The following SNRPN variants were observed in gnomAD, a reference collection of about 807,000 sequenced individuals.
SNRPN encodes small nuclear ribonucleoprotein polypeptide N.
SNRPN carries 7 observed loss-of-function variants against 25.2 expected under a neutral mutation model. The observed-to-expected ratio is 0.28, with a 90% CI of 0.16 to 0.52. The LOEUF (loss-of-function observed/expected upper bound fraction) is 0.52, where lower values mean the gene tolerates loss of function less well. SNRPN is among the 20% of genes least tolerant of loss of function. The probability of loss-of-function intolerance (pLI) is 0.96; values close to 1 mark genes in which losing one functional copy is unlikely to be tolerated. For missense variants in SNRPN, 196 were observed against 322.5 expected, an observed-to-expected ratio of 0.61 and a Z score of 3.00; for synonymous variants, 124 against 110.6, an observed-to-expected ratio of 1.12 and a Z score of -0.76.
At position 24,977,956 on chromosome 15, in the gene SNRPN, G is replaced by C. The variant is rs2077253176; in HGVS notation, c.559+40G>C. On this transcript the variant is annotated intron_variant, in intron 8 of 9. Transcript: ENST00000390687. ...AACACGAAGACGAACTTGAATCTCT[G>C]ATGAGAGATAGCTTACTGATTTAAG... 5 of 1,507,936 alleles carry C rather than the reference G, an allele frequency of 3.3e-6. No homozygotes were observed. In the East Asian group the frequency reaches 9.2e-5, roughly 28 times the overall value. The allele number at this position is 1,507,936 out of a possible 1,614,324, so 93.4% of individuals were successfully genotyped here. A position where few individuals can be genotyped will look rare whatever the true frequency, so the allele number is the denominator to read the frequency against.
chr15:24,837,403 TGTAG>T (rs2051288074), intron 2 of SNRPN, among the ~76,000 whole-genome samples: 10 of 151,406 alleles, frequency 6.6e-5, no homozygotes, highest in East Asian at 1.9e-4. Context: ...AGTCTCACTG[TGTAG>T]CCCAGGCTGG....
At position 24,864,414 on chromosome 15, in the gene SNRPN, G is replaced by A. The variant is rs565659914; in HGVS notation, c.-579+7698G>A. On this transcript the variant is annotated intron_variant, in intron 1 of 11. Coordinates refer to the SNRPN transcript ENST00000400097. ...GCTAGAATACAATGGCGCAATCTCGGCTCGCTGCAACCTCTGCCTCCCGGG... is the reference window on the plus strand; with the variant it reads ...GCTAGAATACAATGGCGCAATCTCGACTCGCTGCAACCTCTGCCTCCCGGG... 5.0e-4 allele frequency among the ~76,000 whole-genome samples: 73 copies of A among 145,326 alleles called. 2 individuals carry two copies. The South Asian group carries it at 0.015, about 29-fold the overall frequency.
intron 1 of SNRPN, among the ~76,000 whole-genome samples, chr15:24,878,420 G>C (rs12906608): frequency 0.049 from 7,459 of 152,330 alleles, 194 homozygotes; most frequent in Non-Finnish European, 0.059. Context: ...CCGATCTTCG[G>C]CGCGCCTGCA....
At chr15:24,916,536 T>C (rs1225021474) in intron 2 of SNRPN, among the ~76,000 whole-genome samples, 1 of 151,928 alleles carries the variant, frequency 6.6e-6, no homozygotes, top group Non-Finnish European at 1.5e-5. Flanking sequence ...GCCCATGTGA[T>C]AGAACCAGAT....
chr15:24,939,340 G>T (rs2061414179), intron 3 of SNRPN, among the ~76,000 whole-genome samples: 1 of 152,144 alleles, frequency 6.6e-6, no homozygotes, highest in South Asian at 2.1e-4. Context: ...GATGATTAGT[G>T]ATGCTGAGCA....
intron 3 of SNRPN, among the ~76,000 whole-genome samples, chr15:24,924,301 TA>T (rs1402800874): frequency 6.6e-6 from 1 of 150,846 alleles, no homozygotes; most frequent in Non-Finnish European, 1.5e-5. Flanking sequence ...TAGGGGAGAG[TA>T]AACAGTTTGG....
intron 1 of SNRPN, among the ~76,000 whole-genome samples, chr15:24,873,586 C>T (rs12050504): frequency 0.82 from 124,713 of 151,416 alleles, 51,547 homozygotes; most frequent in East Asian, 0.94. Flanking sequence ...CAGCTGGGAC[C>T]ACAAGTGCCC....
At chr15:24,964,678 ATGG>A (rs1039153685) in intron 2 of SNRPN, among the ~76,000 whole-genome samples, 2 of 151,976 alleles carry the variant, frequency 1.3e-5, no homozygotes, top group Admixed American at 6.6e-5. Context: ...TAGTTCAGAG[ATGG>A]TGGTGGAGGT....
At chr15:24,887,258 C>T (rs2057278963) in intron 2 of SNRPN, among the ~76,000 whole-genome samples, 1 of 151,782 alleles carries the variant, frequency 6.6e-6, no homozygotes, top group African/African-American at 2.4e-5. Context: ...AGCGATTCTC[C>T]TGCCTCAGGC....
At chr15:24,962,717 TTTTAA>T (rs984539962) in intron 2 of SNRPN, among the ~76,000 whole-genome samples, 1 of 152,212 alleles carries the variant, frequency 6.6e-6, no homozygotes, top group African/African-American at 2.4e-5. Context: ...CAGACACATA[TTTTAA>T]TTTAGATTTC....
At chr15:24,901,149 A>C (rs970924557) in intron 2 of SNRPN, among the ~76,000 whole-genome samples, 1 of 152,160 alleles carries the variant, frequency 6.6e-6, no homozygotes, top group African/African-American at 2.4e-5. Flanking sequence ...GAGATCTTTC[A>C]TCTCCTTGGT....
chr15:24,844,023 T>C (rs926652544), intron 2 of SNRPN, among the ~76,000 whole-genome samples: 1 of 152,072 alleles, frequency 6.6e-6, no homozygotes, highest in East Asian at 1.9e-4. Context: ...CCAAAATGTT[T>C]TCCAAAGTGG....
chr15:24,872,193 G>A (rs114278581), intron 1 of SNRPN, among the ~76,000 whole-genome samples: 1,599 of 117,224 alleles, frequency 0.014, 376 homozygotes, highest in African/African-American at 0.044. Flanking sequence ...TGAGACATGA[G>A]TATCACTTTT....
At chr15:24,881,627 CAGTA>C (rs766654099) in intron 1 of SNRPN, among the ~76,000 whole-genome samples, 15 of 137,524 alleles carry the variant, frequency 1.1e-4, no homozygotes, top group South Asian at 2.3e-4. Context: ...GAGAAAGTCA[CAGTA>C]AGGCACCCTA....
At chr15:24,895,063 C>T (rs963230065) in intron 2 of SNRPN, among the ~76,000 whole-genome samples, 1 of 152,022 alleles carries the variant, frequency 6.6e-6, no homozygotes, top group African/African-American at 2.4e-5. Context: ...GTAATGGGAC[C>T]AAAAGGTGTC....
In SNRPN at chr15:24,873,022, A is replaced by AT. The variant is rs1420296458; in HGVS notation, c.-578-13493dup. ...TCACTGTCCTTATGCCAGTACCACAATGTCCTCATTACTATCACTTTATAT... is the reference window on the plus strand; with the variant it reads ...TCACTGTCCTTATGCCAGTACCACAATTGTCCTCATTACTATCACTTTATAT... On this transcript the variant is annotated intron_variant, in intron 1 of 11. Coordinates refer to the SNRPN transcript ENST00000400097. 1.1e-4 allele frequency among the ~76,000 whole-genome samples: 13 copies of AT among 122,402 alleles called. 6 individuals carry two copies. In the East Asian group the frequency reaches 2.6e-3, roughly 24 times the overall value. 80.3% of individuals were successfully genotyped at this position (122,402 alleles called of 152,430 possible).
intron 3 of SNRPN, among the ~76,000 whole-genome samples, chr15:24,927,974 A>G (rs191245620): frequency 1.1e-4 from 17 of 152,338 alleles, no homozygotes; most frequent in African/African-American, 4.1e-4. Flanking sequence ...TTTTATGGCT[A>G]AACCATTCTT....
At chr15:24,888,110 GAC>G (rs2057351638) in intron 2 of SNRPN, among the ~76,000 whole-genome samples, 1 of 126,260 alleles carries the variant, frequency 7.9e-6, no homozygotes, top group Non-Finnish European at 1.8e-5. Context: ...TATTAGAAAT[GAC>G]TTTTTTTTTT....
intron 2 of SNRPN, among the ~76,000 whole-genome samples, chr15:24,916,284 G>A (rs2647355): frequency 0.59 from 90,119 of 151,916 alleles, 26,921 homozygotes; most frequent in East Asian, 0.7. Context: ...CTTTTAAGGA[G>A]CAATGTGGGT....
Sources: allele counts gnomAD v4.1 joint callset (sites outside exome capture counted in the v4.1 genomes callset), GRCh38; gene constraint gnomAD v4.1.1; transcripts MANE v1.5; gene names NCBI Gene and HGNC (gene_info 2026-07-23, HGNC 2026-07-21).